The following CUEDC1 variants were observed in gnomAD, a reference collection of about 807,000 sequenced individuals.
CUEDC1 encodes the protein CUE domain-containing protein 1.
In CUEDC1, 30 loss-of-function variants were observed where a neutral mutation model predicts 43.7. The observed-to-expected ratio is 0.69, with a 90% confidence interval of 0.51 to 0.93. The LOEUF (loss-of-function observed/expected upper bound fraction) is 0.93, where lower values mean the gene tolerates loss of function less well. CUEDC1 is among the 40% of genes least tolerant of loss of function. CUEDC1 has a pLI of 0.00. For missense variants in CUEDC1, 486 were observed against 549.0 expected (o/e 0.89, Z 1.15); for synonymous variants, 223 against 223.6 (o/e 1.00, Z 0.02).
intron 1 of CUEDC1, among the ~76,000 whole-genome samples, chr17:57,899,835 A>G (rs1032315954): frequency 6.6e-6 from 1 of 151,440 alleles, no homozygotes. Context: ...TTCTATACAC[A>G]CTCGCTAGTG....
chr17:57,890,066 T>C (rs1213058996), intron 1 of CUEDC1, among the ~76,000 whole-genome samples: 1 of 152,258 alleles, frequency 6.6e-6, no homozygotes, highest in Non-Finnish European at 1.5e-5. Context: ...TACAACTCCA[T>C]GAGACAGGTG....
intron 1 of CUEDC1, among the ~76,000 whole-genome samples, chr17:57,896,797 GTC>G (rs1385323806): frequency 2.4e-5 from 3 of 122,646 alleles, no homozygotes; most frequent in African/African-American, 6.4e-5. Context: ...TTGAGATGGA[GTC>G]TCTCTCTGTC....
chr17:57,949,998 C>T (rs2074991071), intron 1 of CUEDC1, among the ~76,000 whole-genome samples: 1 of 152,150 alleles, frequency 6.6e-6, no homozygotes, highest in African/African-American at 2.4e-5. Flanking sequence ...TATTTCTTCA[C>T]CTGAAAAATT....
At chr17:57,906,952 C>A (rs1341496078) in intron 1 of CUEDC1, among the ~76,000 whole-genome samples, 2 of 128,992 alleles carry the variant, frequency 1.6e-5, no homozygotes, top group East Asian at 2.2e-4. Flanking sequence ...GCCTGGGCAA[C>A]AAGAGTGAAA....
chr17:57,910,466 A>C (rs2074570984), intron 1 of CUEDC1, among the ~76,000 whole-genome samples: 1 of 152,106 alleles, frequency 6.6e-6, no homozygotes, highest in South Asian at 2.1e-4. Flanking sequence ...AGGATCAAAA[A>C]TATATATGCC....
intron 1 of CUEDC1, among the ~76,000 whole-genome samples, chr17:57,914,152 G>A (rs2074613630): frequency 6.6e-6 from 1 of 152,180 alleles, no homozygotes; most frequent in South Asian, 2.1e-4. Flanking sequence ...GCATAGAGCA[G>A]GCAAGGAATA....
intron 1 of CUEDC1, among the ~76,000 whole-genome samples, chr17:57,937,652 T>C (rs936358154): frequency 1.3e-5 from 2 of 150,626 alleles, no homozygotes; most frequent in Non-Finnish European, 3.0e-5. Context: ...GCCTAGAGGC[T>C]GGGCACAGTG....
At chr17:57,865,603 T>C (rs2073945337) in intron 10 of CUEDC1, among the ~76,000 whole-genome samples, 1 of 152,150 alleles carries the variant, frequency 6.6e-6, no homozygotes, top group Non-Finnish European at 1.5e-5. Context: ...GGCCAACTCC[T>C]GGAGGAGGCC....
In CUEDC1 at chr17:57,885,622, G is replaced by C; in HGVS notation, c.-58C>G. ...CCGGCCGCAAAGCCCCTTCCCCAGG[G>C]TCTTTCCGCCGTCAGCCGCTTACTT... On this transcript the variant is annotated 5_prime_UTR_variant, in exon 2 of 11. Coordinates refer to ENST00000577830, the MANE Select transcript of CUEDC1 (RefSeq NM_001271875.2). 4 of 1,337,698 alleles carry C rather than the reference G, an allele frequency of 3.0e-6. No homozygotes were observed. The highest frequency in any genetic ancestry group is 3.8e-6 in the Non-Finnish European group (4 of 1,050,218). 82.9% of individuals were successfully genotyped at this position (1,337,698 alleles called of 1,614,324 possible).
chr17:57,880,954 G>T (rs2074196651), intron 2 of CUEDC1, among the ~76,000 whole-genome samples: 2 of 152,294 alleles, frequency 1.3e-5, no homozygotes, highest in South Asian at 4.1e-4. Flanking sequence ...CAAGATCAAA[G>T]AATATGGGAG....
At position 57,879,648 on chromosome 17, in the gene CUEDC1, G is replaced by T. The variant is rs774197846; in HGVS notation, c.427C>A (p.Arg143=). 6.2e-7 allele frequency: 1 copy of T among 1,604,500 alleles called. No homozygotes were observed. ...PPAYHMHVFD[R]PYPLAPPTPP... ...GTCGGGGGAGCCAGAGGGTAGGGCC[G>T]GTCGAACACGTGCATGTGGTAGGCT... The change falls in exon 3 of 11, where the codon CGG becomes AGG. Residue 143 remains arginine (R), a synonymous_variant. Coordinates refer to ENST00000577830, the MANE Select transcript of CUEDC1 (RefSeq NM_001271875.2).
chr17:57,912,934 C>G (rs1423374798), intron 1 of CUEDC1, among the ~76,000 whole-genome samples: 1 of 152,160 alleles, frequency 6.6e-6, no homozygotes, highest in African/African-American at 2.4e-5. Flanking sequence ...CCTCAACCTC[C>G]TGGGCTCAAA....
chr17:57,880,724 G>A (rs556339714), intron 2 of CUEDC1, among the ~76,000 whole-genome samples: 16 of 152,100 alleles, frequency 1.1e-4, no homozygotes, highest in South Asian at 2.1e-4. Context: ...CTCCTGCCTC[G>A]GCCTCCCAAG....
intron 3 of CUEDC1, among the ~76,000 whole-genome samples, chr17:57,877,884 CAAAAAA>C (rs59469013): frequency 2.2e-5 from 2 of 89,570 alleles, no homozygotes; most frequent in African/African-American, 8.2e-5. Flanking sequence ...GACTCCGACT[CAAAAAA>C]AAAAAAAAAA....
At chr17:57,927,044 G>T (rs917908495) in intron 1 of CUEDC1, among the ~76,000 whole-genome samples, 1 of 152,224 alleles carries the variant, frequency 6.6e-6, no homozygotes, top group Non-Finnish European at 1.5e-5. Flanking sequence ...GCCGGCAATT[G>T]TTTGTAGGGA....
chr17:57,884,570 G>C (rs1464984264), intron 2 of CUEDC1, among the ~76,000 whole-genome samples: 3 of 152,294 alleles, frequency 2.0e-5, no homozygotes, highest in Middle Eastern at 3.4e-3. Flanking sequence ...GACCCTGACA[G>C]ATGGTCCTGC....
At chr17:57,883,039 C>G (rs1355791325) in intron 2 of CUEDC1, among the ~76,000 whole-genome samples, 1 of 152,172 alleles carries the variant, frequency 6.6e-6, no homozygotes, top group African/African-American at 2.4e-5. Flanking sequence ...CAGACACACA[C>G]ATACATACGC....
At chr17:57,884,132 G>A (rs1165185737) in intron 2 of CUEDC1, among the ~76,000 whole-genome samples, 1 of 151,416 alleles carries the variant, frequency 6.6e-6, no homozygotes, top group Non-Finnish European at 1.5e-5. Flanking sequence ...TGGCAAGTCT[G>A]ATTCCTCACT....
intron 1 of CUEDC1, among the ~76,000 whole-genome samples, chr17:57,893,040 G>A (rs73314225): frequency 0.14 from 20,624 of 152,248 alleles, 1,619 homozygotes; most frequent in Non-Finnish European, 0.17. Context: ...CTCATTTCCC[G>A]TATGAGGACA....
Sources: gnomAD v4.1 joint callset for allele counts (sites outside exome capture counted in the v4.1 genomes callset) on GRCh38, gnomAD v4.1.1 for gene constraint, MANE v1.5 for transcripts, NCBI Gene and HGNC (gene_info 2026-07-23, HGNC 2026-07-21) for gene names.